The following TNRC6B variants were observed in gnomAD, a reference collection of about 807,000 sequenced individuals.
The protein encoded by TNRC6B is trinucleotide repeat containing adaptor 6B.
TNRC6B carries 52 observed loss-of-function variants against 203.6 expected under a neutral mutation model. That is an observed-to-expected ratio of 0.26 (90% CI 0.20 to 0.32). The LOEUF (loss-of-function observed/expected upper bound fraction) is 0.32. TNRC6B is among the 10% of genes least tolerant of loss of function. The pLI is 1.00. For missense variants in TNRC6B, 1,923 were observed against 2,286.2 expected (o/e 0.84, Z 3.24); for synonymous variants, 838 against 845.7 (o/e 0.99, Z 0.16).
chr22:40,182,379 A>C (rs902930749), intron 1 of TNRC6B, among the ~76,000 whole-genome samples: 1 of 152,206 alleles, frequency 6.6e-6, no homozygotes, highest in Non-Finnish European at 1.5e-5. Flanking sequence ...AGCATATGCT[A>C]ATTGTTTCTC....
intron 1 of TNRC6B, among the ~76,000 whole-genome samples, chr22:40,050,088 G>A (rs1044885348): frequency 6.6e-6 from 1 of 152,038 alleles, no homozygotes; most frequent in Non-Finnish European, 1.5e-5. Flanking sequence ...AGCATTTGGA[G>A]GGCCATATAA....
At chr22:40,126,151 C>A (rs531972824) in intron 3 of TNRC6B, among the ~76,000 whole-genome samples, 3 of 152,282 alleles carry the variant, frequency 2.0e-5, no homozygotes, top group Non-Finnish European at 2.9e-5. Flanking sequence ...TATAAAAAAT[C>A]AGAAGTATAT....
rs568643441 is a variant in TNRC6B, at chr22:40,271,138, C to G, written c.2965+858C>G. On this transcript the variant is annotated intron_variant, in intron 6 of 22. Transcript: ENST00000454349. ...ATCTAAAATCTAAGCTGTACTTGATCCAGCTGGTGATGTGTGGTCACAGTA... is the reference window on the plus strand; with the variant it reads ...ATCTAAAATCTAAGCTGTACTTGATGCAGCTGGTGATGTGTGGTCACAGTA... 2.3e-4 allele frequency among the ~76,000 whole-genome samples: 35 copies of G among 152,298 alleles called. 1 individual carries two copies. In the South Asian group the frequency reaches 6.8e-3, roughly 30 times the overall value.
chr22:40,322,920 G>A lies in TNRC6B; in HGVS notation c.5181G>A (p.Leu1727=), dbSNP rs1287293075. ...FATDDEVSRF[L]AQAQPPTPAA... ...CTGATGATGAAGTCAGCCGCTTTCT[G>A]GCACAAGCTCAGCCCCCTACACCTG... Residue 1727 remains leucine (L), a synonymous_variant, in exon 23 of 23, where the codon CTG becomes CTA. Coordinates refer to ENST00000454349, the MANE Select transcript of TNRC6B (RefSeq NM_001162501.2). 5 of 1,613,796 alleles carry A rather than the reference G, an allele frequency of 3.1e-6. No individual in the cohort carries two copies. Among genetic ancestry groups the A allele is most frequent in the Non-Finnish European group, 4.2e-6 (5 of 1,179,850 alleles).
intron 1 of TNRC6B, among the ~76,000 whole-genome samples, chr22:40,231,170 T>G (rs2069864469): frequency 6.6e-6 from 1 of 152,172 alleles, no homozygotes; most frequent in Non-Finnish European, 1.5e-5. Context: ...ATAATAAGTC[T>G]TCACGTCAGG....
chr22:40,116,137 C>T (rs2068385579), intron 1 of TNRC6B, among the ~76,000 whole-genome samples: 1 of 152,218 alleles, frequency 6.6e-6, no homozygotes, highest in Non-Finnish European at 1.5e-5. Context: ...GACTTACAAT[C>T]TCTAGCTGTG....
chr22:40,123,459 C>T (rs1164176075), intron 2 of TNRC6B, among the ~76,000 whole-genome samples: 1 of 152,218 alleles, frequency 6.6e-6, no homozygotes, highest in African/African-American at 2.4e-5. Context: ...AGTGCCCTTT[C>T]ATAGAAGAAA....
intron 3 of TNRC6B, among the ~76,000 whole-genome samples, chr22:40,130,617 T>TAAAAA (rs945455591): frequency 6.7e-6 from 1 of 149,152 alleles, no homozygotes; most frequent in African/African-American, 2.5e-5. Context: ...CCGTCTCTAC[T>TAAAAA]AAAAATGCAA....
chr22:40,103,088 T>A (rs988212074), intron 1 of TNRC6B, among the ~76,000 whole-genome samples: 1 of 149,268 alleles, frequency 6.7e-6, no homozygotes, highest in African/African-American at 2.5e-5. Flanking sequence ...AATAAATAAA[T>A]AAAAATAAAT....
intron 3 of TNRC6B, among the ~76,000 whole-genome samples, chr22:40,256,802 C>T (rs143210413): frequency 6.6e-6 from 1 of 152,282 alleles, no homozygotes; most frequent in East Asian, 1.9e-4. Flanking sequence ...GAAGCACTAG[C>T]TGGAGCACGT....
rs970712644 is a variant in TNRC6B, at chr22:40,335,500, AAAAC to A, written c.*12263_*12266del. On this transcript the variant is annotated 3_prime_UTR_variant, in exon 23 of 23. Transcript: ENST00000454349. ...TTCAAAAAAAAAAAAAAAAGTATCAAAAACAAAAAAAACTAAAGGGTGGTGTTTT... is the reference window on the plus strand; with the variant it reads ...TTCAAAAAAAAAAAAAAAAGTATCAAAAAAAAAACTAAAGGGTGGTGTTTT... 2 of 151,424 alleles carry A rather than the reference AAAAC, an allele frequency of 1.3e-5. No individual in the cohort carries two copies. Among genetic ancestry groups the A allele is most frequent in the Admixed American group, 6.6e-5 (1 of 15,160 alleles). 9.4% of individuals were successfully genotyped at this position (151,424 alleles called of 1,614,324 possible). A position where few individuals can be genotyped will look rare whatever the true frequency, so the allele number is the denominator to read the frequency against.
chr22:40,140,482 A>T (rs372347360), intron 3 of TNRC6B, among the ~76,000 whole-genome samples: 2 of 152,298 alleles, frequency 1.3e-5, no homozygotes, highest in East Asian at 1.9e-4. Flanking sequence ...GAAGAAACAT[A>T]TTGAAGATGG....
intron 1 of TNRC6B, among the ~76,000 whole-genome samples, chr22:40,085,431 T>A (rs1410357724): frequency 1.3e-5 from 2 of 152,262 alleles, no homozygotes; most frequent in African/African-American, 4.8e-5. Context: ...ATCTGGTTAA[T>A]GTTTCCTAAG....
chr22:40,172,419 T>G (rs994281835), intron 4 of TNRC6B, among the ~76,000 whole-genome samples: 4 of 152,230 alleles, frequency 2.6e-5, no homozygotes, highest in African/African-American at 9.6e-5. Flanking sequence ...TAGTACATAT[T>G]TATTGAACAA....
At chr22:40,167,778 G>A (rs1242199946) in intron 4 of TNRC6B, among the ~76,000 whole-genome samples, 1 of 150,864 alleles carries the variant, frequency 6.6e-6, no homozygotes, top group Non-Finnish European at 1.5e-5. Flanking sequence ...TTGGGAGGCT[G>A]AGTTTGAGAC....
At chr22:40,143,044 A>G (rs2068658330) in intron 3 of TNRC6B, among the ~76,000 whole-genome samples, 1 of 152,218 alleles carries the variant, frequency 6.6e-6, no homozygotes, top group Non-Finnish European at 1.5e-5. Context: ...TCTTGGTAAC[A>G]TGCAAAAAGC....
intron 14 of TNRC6B, 69 bp downstream of exon 14, chr22:40,301,074 C>T: frequency 6.4e-7 from 1 of 1,568,314 alleles, no homozygotes; most frequent in Non-Finnish European, 8.6e-7. Context: ...CCTCTGATGG[C>T]AAAGAACCGG....
chr22:40,068,779 T>C (rs2067920143), intron 1 of TNRC6B, among the ~76,000 whole-genome samples: 1 of 152,070 alleles, frequency 6.6e-6, no homozygotes, highest in African/African-American at 2.4e-5. Flanking sequence ...AGATGAGGTC[T>C]CGCCGTGTTG....
intron 1 of TNRC6B, among the ~76,000 whole-genome samples, chr22:40,054,254 AG>A (rs1474528090): frequency 1.3e-5 from 2 of 152,208 alleles, no homozygotes; most frequent in Non-Finnish European, 2.9e-5. Context: ...GACCCTGATA[AG>A]AACCTGAATT....
Sources: allele counts gnomAD v4.1 joint callset (sites outside exome capture counted in the v4.1 genomes callset), GRCh38; gene constraint gnomAD v4.1.1; transcripts MANE v1.5; gene names NCBI Gene and HGNC (gene_info 2026-07-23, HGNC 2026-07-21).